The following ATRNL1 variants were observed in gnomAD, a reference collection of about 807,000 sequenced individuals.
ATRNL1 encodes attractin like 1, also known as attractin-like protein 1.
Under a neutral mutation model 182.7 loss-of-function variants are expected in ATRNL1, and 95 were observed. The observed-to-expected ratio is 0.52, with a 90% CI of 0.44 to 0.62. ATRNL1 has a LOEUF of 0.62. Among genes scored for constraint, ATRNL1 ranks in the 20% least tolerant of loss-of-function variants. The pLI, the probability that ATRNL1 is intolerant of heterozygous loss-of-function variation, is 0.00. For missense variants in ATRNL1, 1,471 were observed against 1,679.5 expected, an observed-to-expected ratio of 0.88 and a Z score of 2.17; for synonymous variants, 576 against 568.3, an observed-to-expected ratio of 1.01 and a Z score of -0.19.
chr10:115,775,937 A>G (rs1258321341), intron 27 of ATRNL1, among the ~76,000 whole-genome samples: 1 of 147,768 alleles, frequency 6.8e-6, no homozygotes, highest in East Asian at 2.0e-4. Flanking sequence ...CAACCTGGGC[A>G]ATGAGAGTGA....
chr10:115,800,236 A>T (rs1555084027), intron 27 of ATRNL1, among the ~76,000 whole-genome samples: 1 of 151,288 alleles, frequency 6.6e-6, no homozygotes, highest in African/African-American at 2.4e-5. Context: ...AAAAAAAAAG[A>T]AGAAGAATCT....
chr10:115,132,884 G>GT (rs1309039581), intron 5 of ATRNL1, among the ~76,000 whole-genome samples: 1 of 152,024 alleles, frequency 6.6e-6, no homozygotes, highest in Admixed American at 6.6e-5. Context: ...TGTAGGTTGC[G>GT]TTTTCACTCT....
At chr10:115,510,546 A>G (rs544568330) in intron 24 of ATRNL1, among the ~76,000 whole-genome samples, 1 of 152,160 alleles carries the variant, frequency 6.6e-6, no homozygotes, top group South Asian at 2.1e-4. Context: ...TATTTTATAT[A>G]TATTTTCTTC....
At chr10:115,513,072 A>G (rs782678795) in intron 24 of ATRNL1, among the ~76,000 whole-genome samples, 2 of 151,936 alleles carry the variant, frequency 1.3e-5, no homozygotes, top group Non-Finnish European at 2.9e-5. Context: ...CTCATCAGCT[A>G]TCGTTAGTGT....
chr10:115,378,295 A>G (rs1331132855), intron 19 of ATRNL1, among the ~76,000 whole-genome samples: 1 of 152,150 alleles, frequency 6.6e-6, no homozygotes, highest in African/African-American at 2.4e-5. Flanking sequence ...GCAGTAACAG[A>G]CACGCCCATC....
At chr10:115,394,809 A>G (rs778411525) in intron 20 of ATRNL1, 57 bp downstream of exon 20, 4 of 1,303,030 alleles carry the variant, frequency 3.1e-6, no homozygotes, top group Middle Eastern at 2.2e-4. Flanking sequence ...TGTTGAAGTA[A>G]TTTTTATGTT....
At chr10:115,728,931 C>A (rs1555061624) in intron 27 of ATRNL1, among the ~76,000 whole-genome samples, 2 of 152,156 alleles carry the variant, frequency 1.3e-5, no homozygotes, top group African/African-American at 4.8e-5. Context: ...AACTTTCACA[C>A]ACAGAAAACT....
intron 28 of ATRNL1, among the ~76,000 whole-genome samples, chr10:115,887,998 A>G (rs544942530): frequency 2.6e-5 from 4 of 152,226 alleles, no homozygotes; most frequent in African/African-American, 9.6e-5. Flanking sequence ...ATTGGAACTT[A>G]TCACCAGCTT....
At chr10:115,638,780 T>C (rs534277670) in intron 26 of ATRNL1, among the ~76,000 whole-genome samples, 1 of 152,344 alleles carries the variant, frequency 6.6e-6, no homozygotes, top group South Asian at 2.1e-4. Flanking sequence ...AATAATTTGC[T>C]GGATTAGCCA....
At chr10:115,832,971 A>G (rs1272771226) in intron 27 of ATRNL1, among the ~76,000 whole-genome samples, 3 of 152,134 alleles carry the variant, frequency 2.0e-5, no homozygotes, top group Non-Finnish European at 4.4e-5. Flanking sequence ...CATCACAAGT[A>G]TTTTTATGTC....
intron 8 of ATRNL1, among the ~76,000 whole-genome samples, chr10:115,209,733 G>A (rs578120035): frequency 6.6e-6 from 1 of 151,824 alleles, no homozygotes; most frequent in Non-Finnish European, 1.5e-5. Flanking sequence ...TGTTTTCTGA[G>A]GTGATCTATA....
At chr10:115,618,377 T>C (rs1485180033) in intron 26 of ATRNL1, among the ~76,000 whole-genome samples, 1 of 152,172 alleles carries the variant, frequency 6.6e-6, no homozygotes, top group Non-Finnish European at 1.5e-5. Context: ...ACTTGAAAAG[T>C]ATTCTGTTAT....
intron 22 of ATRNL1, 126 bp from the exon 23 acceptor site, chr10:115,467,048 C>A: frequency 1.7e-6 from 1 of 584,882 alleles, no homozygotes; most frequent in Non-Finnish European, 3.1e-6. Flanking sequence ...TACATATATT[C>A]AGTTGAATAT....
intron 9 of ATRNL1, among the ~76,000 whole-genome samples, chr10:115,236,103 A>G (rs1425628567): frequency 6.6e-6 from 1 of 152,134 alleles, no homozygotes; most frequent in African/African-American, 2.4e-5. Context: ...TTCTTTAGAT[A>G]TGTCCCCATC....
chr10:115,420,992 T>C (rs1290263962), intron 20 of ATRNL1, among the ~76,000 whole-genome samples: 1 of 152,072 alleles, frequency 6.6e-6, no homozygotes, highest in African/African-American at 2.4e-5. Context: ...CAAGATTGGA[T>C]CATGAAGAAA....
chr10:115,200,220 TG>T (rs1848510194), intron 8 of ATRNL1, among the ~76,000 whole-genome samples: 1 of 151,838 alleles, frequency 6.6e-6, no homozygotes, highest in African/African-American at 2.4e-5. Context: ...TTTTGTTACT[TG>T]TTTAGTTTTT....
chr10:115,912,970 A>G (rs1952729941), intron 28 of ATRNL1, among the ~76,000 whole-genome samples: 1 of 152,170 alleles, frequency 6.6e-6, no homozygotes, highest in African/African-American at 2.4e-5. Flanking sequence ...AATTCCCCAC[A>G]GTGTCCCTTA....
rs201880985 is a variant in ATRNL1, at chr10:115,215,862, A to C, written c.1514A>C (p.Glu505Ala). The change falls in exon 9 of 29, where the codon GAA becomes GCA. Residue 505 changes from glutamate to alanine, a missense_variant. This residue lies in a region of ATRNL1 where 1,031 missense variants were observed against 1,156.0 expected (regional missense o/e 0.89). Transcript: ENST00000355044. Reference protein sequence around the residue: ...YGLVDDLYKYEVNTKTWTILK... With the variant: ...YGLVDDLYKYAVNTKTWTILK... ...TTGGTTGATGATCTTTATAAATATG[A>C]AGTTAACACTAAGACTTGGTGAGTA... The C allele has an allele frequency of 2.5e-6, 4 of 1,571,138 alleles. No individual in the cohort carries two copies. Among genetic ancestry groups the C allele is most frequent in the Non-Finnish European group, 2.6e-6 (3 of 1,163,734 alleles).
intron 5 of ATRNL1, among the ~76,000 whole-genome samples, chr10:115,136,933 TC>T (rs1845539832): frequency 6.6e-6 from 1 of 152,230 alleles, no homozygotes; most frequent in African/African-American, 2.4e-5. Context: ...AGAACTGATC[TC>T]TTAAAATGGC....
Sources: allele counts gnomAD v4.1 joint callset (sites outside exome capture counted in the v4.1 genomes callset), GRCh38; gene constraint gnomAD v4.1.1; regional missense constraint gnomAD v4.1.1; transcripts MANE v1.5; gene names NCBI Gene and HGNC (gene_info 2026-07-23, HGNC 2026-07-21).